Variants in NALF1 observed in about 807,000 individuals in gnomAD.
NALF1 encodes the protein family with sequence similarity 155 member A.
In NALF1, 3 loss-of-function variants were observed where a neutral mutation model predicts 48.4. That is an observed-to-expected ratio of 0.06 (90% CI 0.03 to 0.16). The LOEUF (loss-of-function observed/expected upper bound fraction) is 0.16, where lower values mean the gene tolerates loss of function less well. Ranked by LOEUF, NALF1 falls within the 10% of genes least tolerant of loss-of-function variation. The pLI is 1.00. For missense variants in NALF1, 526 were observed against 571.5 expected (o/e 0.92, Z 0.81); for synonymous variants, 262 against 245.7 (o/e 1.07, Z -0.62).
chr13:107,616,161 A>G (rs1879373522), intron 1 of NALF1, among the ~76,000 whole-genome samples: 2 of 152,244 alleles, frequency 1.3e-5, no homozygotes, highest in Non-Finnish European at 2.9e-5. Flanking sequence ...TGGAAAAGAA[A>G]CATCTATTTA....
intron 1 of NALF1, among the ~76,000 whole-genome samples, chr13:107,574,377 G>A (rs1329787745): frequency 6.6e-6 from 1 of 152,048 alleles, no homozygotes; most frequent in Non-Finnish European, 1.5e-5. Flanking sequence ...TCACTTGTTT[G>A]TTGCCTATTT....
chr13:107,702,997 C>T (rs975952652), intron 1 of NALF1, among the ~76,000 whole-genome samples: 7 of 152,106 alleles, frequency 4.6e-5, no homozygotes, highest in Non-Finnish European at 8.8e-5. Flanking sequence ...AACAGTGCTG[C>T]GATGAACATA....
intron 1 of NALF1, among the ~76,000 whole-genome samples, chr13:107,729,083 CA>C (rs1335241900): frequency 1.3e-5 from 2 of 152,116 alleles, no homozygotes; most frequent in Non-Finnish European, 2.9e-5. Context: ...CTCTATGGAC[CA>C]CCAACTACAC....
chr13:107,738,666 TTTTC>T (rs1876534139), intron 1 of NALF1, among the ~76,000 whole-genome samples: 1 of 152,078 alleles, frequency 6.6e-6, no homozygotes, highest in South Asian at 2.1e-4. Flanking sequence ...TTCAGTAAAA[TTTTC>T]TTTATTTTAT....
At chr13:107,818,587 T>C (rs574624628) in intron 1 of NALF1, among the ~76,000 whole-genome samples, 2 of 151,960 alleles carry the variant, frequency 1.3e-5, no homozygotes, top group East Asian at 2.0e-4. Context: ...AAAAATCCAG[T>C]TGAGGCCGGG....
At position 107,568,446 on chromosome 13, in the gene NALF1, T is replaced by C. The variant is rs532536975; in HGVS notation, c.915+297236A>G. ...AAGTTCTTGCATAAAAATCAGTCTTTATTATCTGGAATGTGTGCCTCAGAG... is the reference window on the plus strand; with the variant it reads ...AAGTTCTTGCATAAAAATCAGTCTTCATTATCTGGAATGTGTGCCTCAGAG... On this transcript the variant is annotated intron_variant, in intron 1 of 2. Transcript: ENST00000375915. Among the ~76,000 whole-genome samples the C allele has an allele frequency of 3.9e-5, 6 of 152,362 alleles. No individual in the cohort carries two copies. The South Asian group carries it at 8.3e-4, about 21-fold the overall frequency.
Position 107,774,750 on chromosome 13 carries a change from G to A in NALF1, c.915+90932C>T, listed in dbSNP as rs561261478. Among the ~76,000 whole-genome samples the A allele has an allele frequency of 5.9e-5, 9 of 152,194 alleles. No individual in the cohort carries two copies. In the South Asian group the frequency reaches 8.3e-4, roughly 14 times the overall value. ...AATAGCTCTTTTTTGTTCTTACGGA[G>A]TCTCTGGGAATGGATCACTATTAAA... is the stretch of plus-strand genomic sequence containing the variant. On this transcript the variant is annotated intron_variant, in intron 1 of 2. Transcript: ENST00000375915.
At chr13:107,276,903 T>C (rs1274742527) in intron 1 of NALF1, among the ~76,000 whole-genome samples, 1 of 152,174 alleles carries the variant, frequency 6.6e-6, no homozygotes, top group Non-Finnish European at 1.5e-5. Context: ...AGATGTCTGA[T>C]TTGTTGACCC....
At chr13:107,433,202 T>C (rs920614619) in intron 1 of NALF1, among the ~76,000 whole-genome samples, 1 of 152,148 alleles carries the variant, frequency 6.6e-6, no homozygotes, top group Non-Finnish European at 1.5e-5. Context: ...CAAATGGCCA[T>C]TTTGGTAATT....
chr13:107,474,377 C>T (rs1196572385), intron 1 of NALF1, among the ~76,000 whole-genome samples: 1 of 152,144 alleles, frequency 6.6e-6, no homozygotes, highest in Non-Finnish European at 1.5e-5. Flanking sequence ...GTTTTTAGCT[C>T]CTGCCCCACA....
intron 1 of NALF1, among the ~76,000 whole-genome samples, chr13:107,260,238 C>A (rs375381127): frequency 1.1e-4 from 17 of 152,146 alleles, no homozygotes; most frequent in East Asian, 9.6e-4. Context: ...ATGAAGTCAT[C>A]GTTAACATTG....
chr13:107,182,441 A>G (rs1410873919), intron 2 of NALF1, among the ~76,000 whole-genome samples: 1 of 151,860 alleles, frequency 6.6e-6, no homozygotes, highest in Non-Finnish European at 1.5e-5. Flanking sequence ...CGCCTGGCTA[A>G]TTTTGTATTT....
At chr13:107,375,187 T>C (rs1253485312) in intron 1 of NALF1, among the ~76,000 whole-genome samples, 1 of 152,200 alleles carries the variant, frequency 6.6e-6, no homozygotes, top group Non-Finnish European at 1.5e-5. Flanking sequence ...CAAATAAATG[T>C]CTTCGGCTGT....
At chr13:107,747,161 C>G (rs1253241211) in intron 1 of NALF1, among the ~76,000 whole-genome samples, 1 of 152,206 alleles carries the variant, frequency 6.6e-6, no homozygotes, top group Non-Finnish European at 1.5e-5. Context: ...TTTAATTTCA[C>G]TGCCAATTTA....
intron 1 of NALF1, among the ~76,000 whole-genome samples, chr13:107,680,597 T>A (rs1414599762): frequency 1.4e-5 from 1 of 70,630 alleles, no homozygotes; most frequent in South Asian, 5.0e-4. Context: ...TGTGTGAGGA[T>A]GTATGTGTGC....
At chr13:107,292,863 A>C (rs1881649859) in intron 1 of NALF1, among the ~76,000 whole-genome samples, 1 of 152,242 alleles carries the variant, frequency 6.6e-6, no homozygotes, top group African/African-American at 2.4e-5. Context: ...TATGACAGAC[A>C]GTGCAGTAGG....
chr13:107,490,838 G>A (rs949231832), intron 1 of NALF1, among the ~76,000 whole-genome samples: 9 of 152,076 alleles, frequency 5.9e-5, no homozygotes, highest in African/African-American at 2.2e-4. Context: ...GTACTTGAGA[G>A]GCTAATAGAA....
intron 1 of NALF1, among the ~76,000 whole-genome samples, chr13:107,686,384 T>C (rs1358362770): frequency 6.6e-6 from 1 of 151,174 alleles, no homozygotes; most frequent in Non-Finnish European, 1.5e-5. Flanking sequence ...ATTTATTTAT[T>C]ATTATTATTA....
chr13:107,260,572 C>G (rs930602254), intron 1 of NALF1, among the ~76,000 whole-genome samples: 18 of 152,150 alleles, frequency 1.2e-4, no homozygotes, highest in Non-Finnish European at 2.2e-4. Flanking sequence ...TTCTTCCATT[C>G]CTTAATTTAA....
Sources: allele counts gnomAD v4.1 joint callset (sites outside exome capture counted in the v4.1 genomes callset), GRCh38; gene constraint gnomAD v4.1.1; transcripts MANE v1.5; gene names NCBI Gene and HGNC (gene_info 2026-07-23, HGNC 2026-07-21).